The following XKR9 variants were observed in gnomAD, a reference collection of about 807,000 sequenced individuals.
The protein encoded by XKR9 is XK related 9.
Under a neutral mutation model 32.0 loss-of-function variants are expected in XKR9, and 32 were observed. The ratio of observed to expected loss-of-function variants is 1.00; its 90% CI spans 0.76 to 1.34. XKR9 has a LOEUF of 1.34. Among genes scored for constraint, XKR9 ranks in the 40% most tolerant of loss-of-function variants. The pLI is 0.00. For synonymous variants in XKR9, 168 were observed against 143.4 expected (o/e 1.17, Z -1.22); for missense variants, 546 against 429.7 (o/e 1.27, Z -2.39).
chr8:70,740,931 G>A (rs1436587324), downstream of XKR9, among the ~76,000 whole-genome samples: 1 of 152,254 alleles, frequency 6.6e-6, no homozygotes, highest in Non-Finnish European at 1.5e-5. Flanking sequence ...GGACCCACTT[G>A]AGGAGGCAGT....
the XKR9 span, among the ~76,000 whole-genome samples, chr8:70,899,746 T>C: frequency 6.6e-6 from 1 of 152,172 alleles, no homozygotes; most frequent in Non-Finnish European, 1.5e-5. Context: ...ATAATACATC[T>C]TGCAGATGCT....
chr8:70,674,715 C>T (rs1289065738), intron 1 of XKR9, 103 bp from the exon 2 acceptor site: 3 of 152,184 alleles, frequency 2.0e-5, no homozygotes, highest in Admixed American at 6.5e-5. Flanking sequence ...AGACTCTTAT[C>T]ACTAGATTAG....
the XKR9 span, among the ~76,000 whole-genome samples, chr8:70,908,106 C>G: frequency 3.9e-5 from 6 of 152,012 alleles, no homozygotes; most frequent in African/African-American, 1.4e-4. Flanking sequence ...AAAAAAGTTT[C>G]CAGTGACATT....
chr8:70,807,121 TAAAG>T, the XKR9 span, among the ~76,000 whole-genome samples: 1 of 152,084 alleles, frequency 6.6e-6, no homozygotes. Flanking sequence ...TCAACATTCT[TAAAG>T]AAAAGAATTT....
At chr8:70,874,579 A>C in the XKR9 span, among the ~76,000 whole-genome samples, 1 of 152,216 alleles carries the variant, frequency 6.6e-6, no homozygotes, top group Non-Finnish European at 1.5e-5. Context: ...GGTGTGAACC[A>C]TGAGTATTTA....
the XKR9 span, among the ~76,000 whole-genome samples, chr8:71,005,483 C>T: frequency 3.3e-5 from 5 of 151,956 alleles, no homozygotes; most frequent in South Asian, 2.1e-4. Context: ...CTCAGCTTCC[C>T]GAAGTACTGG....
chr8:71,014,914 A>G, the XKR9 span, among the ~76,000 whole-genome samples: 1 of 152,320 alleles, frequency 6.6e-6, no homozygotes, highest in African/African-American at 2.4e-5. Context: ...ACTATTTGCC[A>G]GTTGCCGATA....
chr8:70,907,979 G>A, the XKR9 span, among the ~76,000 whole-genome samples: 23 of 152,148 alleles, frequency 1.5e-4, no homozygotes, highest in Admixed American at 2.0e-4. Context: ...CATGACAATT[G>A]TCTTGTAATC....
At chr8:70,999,050 G>C in the XKR9 span, among the ~76,000 whole-genome samples, 2 of 152,134 alleles carry the variant, frequency 1.3e-5, no homozygotes, top group Non-Finnish European at 2.9e-5. Flanking sequence ...AAATCTGTTG[G>C]TGAGGCTTTT....
chr8:70,814,668 C>G, the XKR9 span, among the ~76,000 whole-genome samples: 1 of 152,040 alleles, frequency 6.6e-6, no homozygotes, highest in African/African-American at 2.4e-5. Flanking sequence ...GAAAAGTTTC[C>G]TCTAAGAACT....
the XKR9 span, among the ~76,000 whole-genome samples, chr8:71,010,018 T>C: frequency 1.3e-5 from 2 of 152,186 alleles, no homozygotes; most frequent in African/African-American, 4.8e-5. Context: ...GGAGAAGACC[T>C]GGGCTTCAAC....
At chr8:70,941,678 T>A in the XKR9 span, among the ~76,000 whole-genome samples, 1 of 152,120 alleles carries the variant, frequency 6.6e-6, no homozygotes, top group Admixed American at 6.6e-5. Context: ...AAACTAGATA[T>A]AGAAGTGGCT....
At chr8:71,021,064 C>T in the XKR9 span, among the ~76,000 whole-genome samples, 7 of 152,132 alleles carry the variant, frequency 4.6e-5, no homozygotes, top group Admixed American at 2.6e-4. Context: ...AAGAAGAAGC[C>T]ATTGTGTGCA....
the XKR9 span, among the ~76,000 whole-genome samples, chr8:70,827,218 T>C: frequency 6.6e-6 from 1 of 152,192 alleles, no homozygotes; most frequent in East Asian, 1.9e-4. Context: ...CATGCACACA[T>C]ACACACACAT....
At chr8:70,800,818 TA>T in the XKR9 span, among the ~76,000 whole-genome samples, 1 of 152,048 alleles carries the variant, frequency 6.6e-6, no homozygotes, top group Non-Finnish European at 1.5e-5. Context: ...GTAAGCTTTT[TA>T]TACTGATTTA....
chr8:70,928,911 A>T, the XKR9 span, among the ~76,000 whole-genome samples: 1 of 152,228 alleles, frequency 6.6e-6, no homozygotes, highest in Non-Finnish European at 1.5e-5. Flanking sequence ...CAGATTCTGC[A>T]CACCATTTCA....
intron 1 of XKR9, among the ~76,000 whole-genome samples, chr8:70,670,103 T>C (rs948190425): frequency 6.6e-6 from 1 of 152,220 alleles, no homozygotes; most frequent in Non-Finnish European, 1.5e-5. Context: ...ACACTATTTT[T>C]GTTACAAATG....
chr8:70,994,455 T>A, the XKR9 span, among the ~76,000 whole-genome samples: 2 of 152,148 alleles, frequency 1.3e-5, no homozygotes, highest in Non-Finnish European at 2.9e-5. Flanking sequence ...CTTGCATGGT[T>A]TATGACAAAA....
intron 2 of XKR9, among the ~76,000 whole-genome samples, chr8:70,744,202 T>G (rs939234526): frequency 1.3e-5 from 2 of 151,896 alleles, no homozygotes; most frequent in African/African-American, 2.4e-5. Context: ...TCCCAGCTAC[T>G]TGGGAGGCTG....
Sources: allele counts gnomAD v4.1 joint callset (sites outside exome capture counted in the v4.1 genomes callset), GRCh38; gene constraint gnomAD v4.1.1; transcripts MANE v1.5; gene names NCBI Gene and HGNC (gene_info 2026-07-23, HGNC 2026-07-21).